Variants in OCA2 observed in about 807,000 individuals in gnomAD.
OCA2 encodes P protein.
Under a neutral mutation model 100.2 loss-of-function variants are expected in OCA2, and 77 were observed. The observed-to-expected ratio is 0.77, with a 90% CI of 0.64 to 0.93. The LOEUF (loss-of-function observed/expected upper bound fraction) is 0.93. Among genes scored for constraint, OCA2 ranks in the 40% least tolerant of loss-of-function variants. The pLI is 0.00. For synonymous variants in OCA2, 432 were observed against 439.2 expected (o/e 0.98, Z 0.21); for missense variants, 1,062 against 1,089.1 (o/e 0.98, Z 0.35).
At chr15:27,871,716 G>T in intron 20 of OCA2, 147 bp downstream of exon 20, 2 of 683,994 alleles carry the variant, frequency 2.9e-6, no homozygotes, top group Admixed American at 2.5e-5. Context: ...TCATCTCTGG[G>T]CTGCACAGGA....
At chr15:28,028,388 T>C (rs1311934874) in intron 3 of OCA2, among the ~76,000 whole-genome samples, 1 of 152,230 alleles carries the variant, frequency 6.6e-6, no homozygotes, top group Non-Finnish European at 1.5e-5. Context: ...GTTGGCTTTT[T>C]CACTGCATGC....
At chr15:27,972,685 C>CTTTT (rs564838311) in intron 14 of OCA2, among the ~76,000 whole-genome samples, 1 of 151,408 alleles carries the variant, frequency 6.6e-6, no homozygotes, top group African/African-American at 2.4e-5. Flanking sequence ...CATTTGCCTA[C>CTTTT]TTTTTATTGG....
chr15:27,975,409 A>C (rs1423198976), intron 14 of OCA2, among the ~76,000 whole-genome samples: 3 of 152,184 alleles, frequency 2.0e-5, no homozygotes, highest in Non-Finnish European at 4.4e-5. Context: ...CTAGAAATTA[A>C]GGTTTTAGGT....
chr15:27,883,809 C>T (rs913108059), intron 19 of OCA2, among the ~76,000 whole-genome samples: 5 of 152,182 alleles, frequency 3.3e-5, no homozygotes, highest in African/African-American at 4.8e-5. Context: ...GATGCTTCTG[C>T]TCATGATGTC....
intron 9 of OCA2, among the ~76,000 whole-genome samples, chr15:28,009,164 AG>A (rs2042167833): frequency 6.6e-6 from 1 of 152,214 alleles, no homozygotes; most frequent in South Asian, 2.1e-4. Flanking sequence ...CAGAAACATA[AG>A]GTAGAACATA....
At chr15:28,023,585 G>A (rs2042660042) in intron 5 of OCA2, among the ~76,000 whole-genome samples, 1 of 151,592 alleles carries the variant, frequency 6.6e-6, no homozygotes, top group South Asian at 2.1e-4. Context: ...CCCTAAGCTG[G>A]TGCACATCAT....
At chr15:27,824,912 C>A (rs1329369453) in intron 23 of OCA2, among the ~76,000 whole-genome samples, 1 of 151,854 alleles carries the variant, frequency 6.6e-6, no homozygotes, top group Non-Finnish European at 1.5e-5. Flanking sequence ...ACAAACCCTG[C>A]TAGTCACAGG....
At chr15:28,079,456 T>C (rs2044545391) in intron 2 of OCA2, among the ~76,000 whole-genome samples, 1 of 151,706 alleles carries the variant, frequency 6.6e-6, no homozygotes. Context: ...GAGTGTGCTG[T>C]TTCAGGGGGC....
At chr15:28,089,863 C>T (rs748789830) in intron 1 of OCA2, among the ~76,000 whole-genome samples, 1 of 152,190 alleles carries the variant, frequency 6.6e-6, no homozygotes, top group Non-Finnish European at 1.5e-5. Flanking sequence ...ACCTGGGTGA[C>T]AGGTTCAGTG....
intron 2 of OCA2, among the ~76,000 whole-genome samples, chr15:28,048,716 C>G (rs2141538736): frequency 6.6e-6 from 1 of 152,140 alleles, no homozygotes; most frequent in African/African-American, 2.4e-5. Context: ...CTTCAAAAGA[C>G]ATTTCAGGGC....
At chr15:28,024,572 C>T (rs943009521) in intron 5 of OCA2, among the ~76,000 whole-genome samples, 1 of 152,216 alleles carries the variant, frequency 6.6e-6, no homozygotes, top group African/African-American at 2.4e-5. Context: ...AAGGGAGCCC[C>T]ACAGCCAGCT....
intron 18 of OCA2, among the ~76,000 whole-genome samples, chr15:27,942,626 A>T (rs1545397): frequency 0.11 from 16,274 of 152,176 alleles, 2,858 homozygotes; most frequent in East Asian, 0.88. Context: ...ACTAAAATAC[A>T]CTGAATGATA....
chr15:27,962,228 C>T (rs879899528), intron 15 of OCA2, among the ~76,000 whole-genome samples: 5 of 152,144 alleles, frequency 3.3e-5, no homozygotes, highest in Admixed American at 1.3e-4. Flanking sequence ...TCAGAGAAGA[C>T]TCAAAACCCC....
the OCA2 span, among the ~76,000 whole-genome samples, chr15:27,738,761 G>T: frequency 6.6e-6 from 1 of 151,342 alleles, no homozygotes; most frequent in Non-Finnish European, 1.5e-5. Context: ...ACTAACCTAC[G>T]GAGCTAAAAA....
chr15:27,833,117 G>C (rs556732267), intron 23 of OCA2, among the ~76,000 whole-genome samples: 1 of 152,238 alleles, frequency 6.6e-6, no homozygotes, highest in African/African-American at 2.4e-5. Context: ...TACCCAGCCT[G>C]ATAAATTCTT....
intron 18 of OCA2, among the ~76,000 whole-genome samples, chr15:27,938,356 G>T (rs1349104): frequency 0.21 from 31,695 of 152,160 alleles, 3,830 homozygotes; most frequent in South Asian, 0.37. Context: ...TCACCAGGCG[G>T]CATTCTAGCC....
intron 18 of OCA2, among the ~76,000 whole-genome samples, chr15:27,936,788 C>T (rs1567127952): frequency 6.6e-6 from 1 of 152,158 alleles, no homozygotes; most frequent in Non-Finnish European, 1.5e-5. Context: ...AGCTGCAACA[C>T]CAAAGCTCGG....
chr15:27,887,835 C>T (rs1408256644), intron 19 of OCA2, among the ~76,000 whole-genome samples: 2 of 151,546 alleles, frequency 1.3e-5, no homozygotes, highest in South Asian at 2.1e-4. Flanking sequence ...ACCAGGGGAA[C>T]ATGTCCCCCT....
At chr15:27,865,815 G>A (rs933724371) in intron 21 of OCA2, among the ~76,000 whole-genome samples, 8 of 152,160 alleles carry the variant, frequency 5.3e-5, no homozygotes, top group Admixed American at 5.2e-4. Flanking sequence ...AGGGACGCAT[G>A]ACTGCAAAGA....
Sources: gnomAD v4.1 joint callset for allele counts (sites outside exome capture counted in the v4.1 genomes callset) on GRCh38, gnomAD v4.1.1 for gene constraint, MANE v1.5 for transcripts, NCBI Gene and HGNC (gene_info 2026-07-23, HGNC 2026-07-21) for gene names.